ADGB: variants seen among roughly 807,000 people sequenced by gnomAD.
ADGB encodes the protein calpain-7-like protein.
Under a neutral mutation model 210.5 loss-of-function variants are expected in ADGB, and 172 were observed. That is an observed-to-expected ratio of 0.82 (90% CI 0.72 to 0.93). The LOEUF (loss-of-function observed/expected upper bound fraction) is 0.93. Ranked by LOEUF, ADGB falls within the 40% of genes least tolerant of loss-of-function variation. The pLI is 0.00. For synonymous variants in ADGB, 658 were observed against 662.7 expected (o/e 0.99, Z 0.11); for missense variants, 2,025 against 1,964.8 (o/e 1.03, Z -0.58).
chr6:146,666,993 A>G, intron 7 of ADGB, 91 bp downstream of exon 7: 1 of 1,127,006 alleles, frequency 8.9e-7, no homozygotes, highest in Non-Finnish European at 1.2e-6. Context: ...AAATTTCAAG[A>G]AAGGTCATGT....
Position 146,746,119 on chromosome 6 carries a change from A to G in ADGB, c.3365+10A>G. Reference sequence around the variant, plus strand: ...AGAAAATTTTATTCAGGTACAAGTAAATGACAGAAGGGGAAAGGCATTTTT... The same window carrying G: ...AGAAAATTTTATTCAGGTACAAGTAGATGACAGAAGGGGAAAGGCATTTTT... On this transcript the variant is annotated intron_variant, in intron 26 of 35. Transcript: ENST00000397944. 2.0e-6 allele frequency: 3 copies of G among 1,497,918 alleles called. No individual in the cohort carries two copies. Among genetic ancestry groups the G allele is most frequent in the Non-Finnish European group, 1.8e-6 (2 of 1,113,290 alleles). 92.8% of individuals were successfully genotyped at this position (1,497,918 alleles called of 1,614,324 possible).
At chr6:146,614,198 TCCCTTCCTC>T (rs1780753258) in intron 1 of ADGB, among the ~76,000 whole-genome samples, 1 of 92,156 alleles carries the variant, frequency 1.1e-5, no homozygotes, top group Non-Finnish European at 2.2e-5. Flanking sequence ...CCTCCCTCCC[TCCCTTCCTC>T]CCTTCCTTCC....
chr6:146,611,416 C>T (rs532228545), intron 1 of ADGB, among the ~76,000 whole-genome samples: 10 of 152,166 alleles, frequency 6.6e-5, no homozygotes, highest in East Asian at 1.9e-4. Flanking sequence ...AAATTTTCTG[C>T]GCTCCTGACA....
intron 13 of ADGB, among the ~76,000 whole-genome samples, chr6:146,701,724 T>C (rs1207140694): frequency 6.6e-6 from 1 of 152,000 alleles, no homozygotes; most frequent in Admixed American, 6.6e-5. Context: ...CTGAGAATTA[T>C]TGATAAGGAA....
chr6:146,796,662 C>T (rs769127090), intron 33 of ADGB, among the ~76,000 whole-genome samples: 2 of 151,992 alleles, frequency 1.3e-5, no homozygotes, highest in Admixed American at 6.6e-5. Flanking sequence ...GCAAGCCACA[C>T]GTAGAAGAAT....
Position 146,670,078 on chromosome 6 carries a change from G to T in ADGB, c.840-2142G>T, listed in dbSNP as rs184492738. Among the ~76,000 whole-genome samples the T allele has an allele frequency of 1.8e-3, 277 of 152,122 alleles. 2 individuals carry two copies. The highest frequency in any genetic ancestry group is 6.4e-3 in the African/African-American group (264 of 41,494). On this transcript the variant is annotated intron_variant, in intron 7 of 35. Transcript: ENST00000397944. ...TTCTCTACTTACTCTGAACCTATTT[G>T]TTTCTCTACATCTGCATTATTACCA...
In ADGB at chr6:146,797,452, C is replaced by A. The variant is rs146001968; in HGVS notation, c.4538-3731C>A. ...GCAAAATACAGAACCAGTCCATCAA[C>A]CAACCCATCAACCAACCAGCCCATC... is the stretch of plus-strand genomic sequence containing the variant. On this transcript the variant is annotated intron_variant, in intron 33 of 35. Coordinates refer to ENST00000397944, the MANE Select transcript of ADGB (RefSeq NM_024694.4). Among the ~76,000 whole-genome samples, 868 of 152,122 alleles carry A rather than the reference C, an allele frequency of 5.7e-3. 3 individuals carry two copies. The highest frequency in any genetic ancestry group is 0.02 in the African/African-American group (812 of 41,500).
intron 1 of ADGB, among the ~76,000 whole-genome samples, chr6:146,628,039 T>G (rs1199411722): frequency 1.3e-5 from 2 of 152,182 alleles, no homozygotes; most frequent in Admixed American, 1.3e-4. Flanking sequence ...TCCTTGTGAC[T>G]CTAAGATGGA....
At chr6:146,718,866 G>A (rs1776773855) in intron 16 of ADGB, among the ~76,000 whole-genome samples, 6 of 152,142 alleles carry the variant, frequency 3.9e-5, no homozygotes, top group Admixed American at 3.9e-4. Flanking sequence ...ATAGTGACTG[G>A]GGGAAAGAAA....
At chr6:146,691,344 G>A in intron 11 of ADGB, 54 bp downstream of exon 11, 4 of 1,383,226 alleles carry the variant, frequency 2.9e-6, no homozygotes, top group Non-Finnish European at 3.8e-6. Flanking sequence ...AAGTCTAACA[G>A]TTTCATCTGC....
rs1776289484 is a variant in ADGB at position 146,690,549 on chromosome 6, TCAGGAGATCTAA to T, written c.1312-564_1312-553del. Among the ~76,000 whole-genome samples the T allele has an allele frequency of 2.6e-5, 4 of 152,010 alleles. 1 individual carries two copies. In the South Asian group the frequency reaches 8.3e-4, roughly 32 times the overall value. ...TGAATTATTCCAAAGCAGACTGGCT[TCAGGAGATCTAA>T]CACTAGAATATGAGAAGTATCTGCC... On this transcript the variant is annotated intron_variant, in intron 10 of 35. Transcript: ENST00000397944.
At chr6:146,790,185 G>A (rs1777933994) in intron 33 of ADGB, among the ~76,000 whole-genome samples, 1 of 152,056 alleles carries the variant, frequency 6.6e-6, no homozygotes, top group Non-Finnish European at 1.5e-5. Flanking sequence ...TTTCCTTGGA[G>A]TGAGATCATT....
rs1359409292 is a variant in ADGB, at chr6:146,788,372, C to T, written c.4316-17C>T. On this transcript the variant is annotated splice_polypyrimidine_tract_variant and intron_variant, in intron 32 of 35. Coordinates refer to ENST00000397944, the MANE Select transcript of ADGB (RefSeq NM_024694.4). ...TGGAACGCCAGCTTTTTCAGTAATG[C>T]ACATGTCATGTTGTAGTAGAAACAG... The T allele has an allele frequency of 6.5e-7, 1 of 1,548,330 alleles. No homozygotes were observed. Among genetic ancestry groups the T allele is most frequent in the African/African-American group, 1.4e-5 (1 of 73,064 alleles).
intron 17 of ADGB, 73 bp from the exon 18 acceptor site, chr6:146,724,113 A>C: frequency 8.1e-7 from 1 of 1,237,600 alleles, no homozygotes; most frequent in South Asian, 1.7e-5. Context: ...TACTTAATAA[A>C]AAAAGACAGT....
intron 28 of ADGB, among the ~76,000 whole-genome samples, chr6:146,766,358 C>T (rs1032548458): frequency 2.6e-5 from 4 of 151,758 alleles, no homozygotes; most frequent in Admixed American, 1.3e-4. Context: ...ACCTGGGAGG[C>T]GGAGGTTACA....
intron 30 of ADGB, among the ~76,000 whole-genome samples, chr6:146,783,070 A>G (rs1010910715): frequency 5.9e-5 from 9 of 152,172 alleles, no homozygotes; most frequent in African/African-American, 1.9e-4. Flanking sequence ...ATTCAAGAAA[A>G]TACTTCAGTA....
chr6:146,646,571 G>A (rs1302630443), intron 3 of ADGB, among the ~76,000 whole-genome samples: 1 of 152,068 alleles, frequency 6.6e-6, no homozygotes, highest in Non-Finnish European at 1.5e-5. Flanking sequence ...ACAGCAGAAG[G>A]ATTAGTTAAT....
intron 13 of ADGB, among the ~76,000 whole-genome samples, chr6:146,711,658 G>A (rs1162346742): frequency 6.6e-6 from 1 of 151,936 alleles, no homozygotes; most frequent in African/African-American, 2.4e-5. Flanking sequence ...ATTTCAATTT[G>A]GAAGTCATTT....
intron 2 of ADGB, among the ~76,000 whole-genome samples, chr6:146,640,775 A>G (rs560948517): frequency 6.6e-6 from 1 of 152,012 alleles, no homozygotes; most frequent in African/African-American, 2.4e-5. Flanking sequence ...AATAATAAGA[A>G]CCATCTATGA....
Sources: allele counts gnomAD v4.1 joint callset (sites outside exome capture counted in the v4.1 genomes callset), GRCh38; gene constraint gnomAD v4.1.1; transcripts MANE v1.5; gene names NCBI Gene and HGNC (gene_info 2026-07-23, HGNC 2026-07-21).